Variants in DESI1 observed in about 807,000 individuals in gnomAD.
DESI1 encodes the protein PPPDE peptidase domain containing 2.
DESI1 carries 17 observed loss-of-function variants against 22.4 expected under a neutral mutation model. That is an observed-to-expected ratio of 0.76 (90% CI 0.52 to 1.14). The LOEUF (loss-of-function observed/expected upper bound fraction) is 1.14, where lower values mean the gene tolerates loss of function less well. DESI1 is among the 50% of genes most tolerant of loss of function. The pLI is 0.00. For missense variants in DESI1, 177 were observed against 208.9 expected (o/e 0.85, Z 0.94); for synonymous variants, 92 against 84.2 (o/e 1.09, Z -0.51).
chr22:41,615,272 TA>T (rs58574960), intron 1 of DESI1, among the ~76,000 whole-genome samples: 74,346 of 108,500 alleles, frequency 0.69, 24,760 homozygotes, highest in East Asian at 0.88. Context: ...TACTAAAAAT[TA>T]AAAAAAAAAA....
intron 3 of DESI1, among the ~76,000 whole-genome samples, chr22:41,604,679 A>G (rs1397494397): frequency 1.3e-5 from 2 of 152,056 alleles, no homozygotes; most frequent in Non-Finnish European, 2.9e-5. Context: ...TGGAAGAAGA[A>G]TGGTCTTGGG....
intron 1 of DESI1, among the ~76,000 whole-genome samples, chr22:41,613,903 TTGTATCATC>T (rs2067533041): frequency 6.6e-6 from 1 of 152,198 alleles, no homozygotes; most frequent in Non-Finnish European, 1.5e-5. Flanking sequence ...TTTATATCCT[TTGTATCATC>T]ACTGAATTTG....
chr22:41,604,156 A>G lies in DESI1; in HGVS notation c.181-3T>C. 1.2e-6 allele frequency: 2 copies of G among 1,613,262 alleles called. No homozygotes were observed. Among genetic ancestry groups the G allele is most frequent in the Non-Finnish European group, 1.7e-6 (2 of 1,179,668 alleles). On this transcript the variant is annotated splice_region_variant and splice_polypyrimidine_tract_variant and intron_variant, in intron 3 of 5. Transcript: ENST00000263256. ...GGAGGCCCAAGCAATGTCCCTCCCT[A>G]AAAGAGCCAACCCAAAGGAAGTCAT...
Position 41,607,344 on chromosome 22 carries a change from G to C in DESI1, c.111-13C>G. 1 of 1,599,810 alleles carries C rather than the reference G, an allele frequency of 6.3e-7. No individual in the cohort carries two copies. The highest frequency in any genetic ancestry group is 8.5e-7 in the Non-Finnish European group (1 of 1,174,532). Reference sequence around the variant, plus strand: ...TATGGATGTGTGCCTGTCACACAGAGAGAGACACAGTAAGCCAGAAAACTT... The same window carrying C: ...TATGGATGTGTGCCTGTCACACAGACAGAGACACAGTAAGCCAGAAAACTT... On this transcript the variant is annotated splice_polypyrimidine_tract_variant and intron_variant, in intron 2 of 5. Coordinates refer to ENST00000263256, the MANE Select transcript of DESI1 (RefSeq NM_015704.3).
At chr22:41,604,250 CTTTTTT>C (rs1264626626) in intron 3 of DESI1, 97 bp from the exon 4 acceptor site, 158 of 283,688 alleles carry the variant, frequency 5.6e-4, no homozygotes, top group South Asian at 8.9e-4. Flanking sequence ...TCTGTTCTGA[CTTTTTT>C]TTTTTTTTTT....
chr22:41,620,685 C>T (rs1254162205), intron 1 of DESI1, 67 bp downstream of exon 1: 2 of 1,495,112 alleles, frequency 1.3e-6, no homozygotes, highest in Admixed American at 4.1e-5. Flanking sequence ...AGTCTCCCCA[C>T]CTCGGCCAGC....
chr22:41,614,677 C>T lies in DESI1; in HGVS notation c.88+6075G>A, dbSNP rs192407115. ...TCGGCTCACTGCAACCTCTGCCCTC[C>T]GAGTTCAAGCGATTCTCCTGCCTCA... On this transcript the variant is annotated intron_variant, in intron 1 of 5. Coordinates refer to ENST00000263256, the MANE Select transcript of DESI1 (RefSeq NM_015704.3). 2.2e-4 allele frequency among the ~76,000 whole-genome samples: 31 copies of T among 142,776 alleles called. No homozygotes were observed. The East Asian group carries it at 3.1e-3, about 14-fold the overall frequency. 93.7% of individuals were successfully genotyped at this position (142,776 alleles called of 152,430 possible).
At position 41,606,511 on chromosome 22, in the gene DESI1, C is replaced by T. The variant is rs541959037; in HGVS notation, c.180+751G>A. On this transcript the variant is annotated intron_variant, in intron 3 of 5. Coordinates refer to ENST00000263256, the MANE Select transcript of DESI1 (RefSeq NM_015704.3). ...GGAAAAGGCTGGGCGCTGTGGCTCA[C>T]GCCTGTAATCCCAGCACTTTGGGAG... 1.5e-3 allele frequency among the ~76,000 whole-genome samples: 230 copies of T among 152,192 alleles called. 2 individuals carry two copies. In the South Asian group the frequency reaches 0.046, roughly 30 times the overall value.
At chr22:41,602,592 C>T (rs1156298375) in intron 5 of DESI1, 21 of 986,006 alleles carry the variant, frequency 2.1e-5, no homozygotes, top group Non-Finnish European at 2.5e-5. Context: ...AGACATGGTC[C>T]TGGAATGAGC....
intron 2 of DESI1, 108 bp from the exon 3 acceptor site, chr22:41,607,439 G>T: frequency 1.9e-6 from 2 of 1,071,762 alleles, no homozygotes; most frequent in Non-Finnish European, 2.6e-6. Flanking sequence ...GGACTGTGGG[G>T]ACCAGTCTTA....
intron 3 of DESI1, 128 bp downstream of exon 3, chr22:41,607,134 A>T: frequency 1.2e-6 from 1 of 846,272 alleles, no homozygotes; most frequent in Non-Finnish European, 1.7e-6. Context: ...GAAAGGTTTT[A>T]TTGAGCCAAG....
In DESI1 at chr22:41,598,562, C is replaced by A. The variant is rs552964044; in HGVS notation, c.*2535G>T. 6 of 152,586 alleles carry A rather than the reference C, an allele frequency of 3.9e-5. No homozygotes were observed. The highest frequency in any genetic ancestry group is 1.4e-4 in the African/African-American group (6 of 41,558). The allele number at this position is 152,586 out of a possible 1,614,324, so 9.5% of individuals were successfully genotyped here. A position where few individuals can be genotyped will look rare whatever the true frequency, so the allele number is the denominator to read the frequency against. ...AGGAAATGAGTGACTCAAATTCTCTCAGGGGAGCTGCTCCTGGGCCTAAGG... is the reference window on the plus strand; with the variant it reads ...AGGAAATGAGTGACTCAAATTCTCTAAGGGGAGCTGCTCCTGGGCCTAAGG... On this transcript the variant is annotated 3_prime_UTR_variant, in exon 6 of 6. Coordinates refer to ENST00000263256, the MANE Select transcript of DESI1 (RefSeq NM_015704.3).
rs2067445352 is a variant in DESI1, at chr22:41,600,786, G to A, written c.*311C>T. The A allele has an allele frequency of 1.4e-5, 4 of 276,686 alleles. No individual in the cohort carries two copies. The highest frequency in any genetic ancestry group is 5.0e-5 in the Admixed American group (1 of 20,142). The allele number at this position is 276,686 out of a possible 1,614,324, so 17.1% of individuals were successfully genotyped here. A position where few individuals can be genotyped will look rare whatever the true frequency, so the allele number is the denominator to read the frequency against. On this transcript the variant is annotated 3_prime_UTR_variant, in exon 6 of 6. Coordinates refer to ENST00000263256, the MANE Select transcript of DESI1 (RefSeq NM_015704.3). ...TTGGGGCTCCCGCAAACTGTGACTC[G>A]CTTTCTGTTTAAACAAAGCCCCTCC...
intron 1 of DESI1, among the ~76,000 whole-genome samples, chr22:41,618,573 CA>C (rs2067563761): frequency 6.6e-6 from 1 of 152,116 alleles, no homozygotes; most frequent in Non-Finnish European, 1.5e-5. Context: ...AGCAGACGCT[CA>C]ATAAACATCT....
intron 3 of DESI1, 180 bp from the exon 4 acceptor site, chr22:41,604,333 C>T (rs916904572): frequency 2.1e-6 from 1 of 480,818 alleles, no homozygotes; most frequent in South Asian, 3.0e-5. Flanking sequence ...GCAACCTCCG[C>T]CTCCCGGGTT....
rs563882446 is a variant in DESI1 at position 41,608,293 on chromosome 22, C to G, written c.89-432G>C. 2.6e-5 allele frequency among the ~76,000 whole-genome samples: 4 copies of G among 152,266 alleles called. No homozygotes were observed. In the South Asian group the frequency reaches 6.2e-4, roughly 24 times the overall value. Reference sequence around the variant, plus strand: ...GCTATCCATTTAAATAGTTAAAGCACGTTATTCTACCTCTATGTGCCAGAA... The same window carrying G: ...GCTATCCATTTAAATAGTTAAAGCAGGTTATTCTACCTCTATGTGCCAGAA... On this transcript the variant is annotated intron_variant, in intron 1 of 5. Coordinates refer to ENST00000263256, the MANE Select transcript of DESI1 (RefSeq NM_015704.3).
At chr22:41,611,507 A>C (rs996423234) in intron 1 of DESI1, among the ~76,000 whole-genome samples, 1 of 151,972 alleles carries the variant, frequency 6.6e-6, no homozygotes, top group Non-Finnish European at 1.5e-5. Context: ...AAATGGCTGC[A>C]ATTTGTTTAT....
intron 1 of DESI1, among the ~76,000 whole-genome samples, chr22:41,616,321 T>C (rs2067550231): frequency 6.6e-6 from 1 of 152,204 alleles, no homozygotes; most frequent in Admixed American, 6.5e-5. Flanking sequence ...CAAAATGAAG[T>C]AAAGAATTGA....
At position 41,599,853 on chromosome 22, in the gene DESI1, C is replaced by T. The variant is rs1403040876; in HGVS notation, c.*1244G>A. The T allele has an allele frequency of 6.6e-6, 1 of 151,422 alleles. No homozygotes were observed. Among genetic ancestry groups the T allele is most frequent in the Non-Finnish European group, 1.5e-5 (1 of 67,848 alleles). 9.4% of individuals were successfully genotyped at this position (151,422 alleles called of 1,614,324 possible). A position where few individuals can be genotyped will look rare whatever the true frequency, so the allele number is the denominator to read the frequency against. ...GGATTACAGGCGTGAGCCACCGCGC[C>T]AGGCCTCACATCATTATTCTTTCCA... is the stretch of plus-strand genomic sequence containing the variant. On this transcript the variant is annotated 3_prime_UTR_variant, in exon 6 of 6. Coordinates refer to ENST00000263256, the MANE Select transcript of DESI1 (RefSeq NM_015704.3).
Sources: allele counts gnomAD v4.1 joint callset (sites outside exome capture counted in the v4.1 genomes callset), GRCh38; gene constraint gnomAD v4.1.1; transcripts MANE v1.5; gene names NCBI Gene and HGNC (gene_info 2026-07-23, HGNC 2026-07-21).